XKR4: variants seen among roughly 807,000 people sequenced by gnomAD.
XKR4 encodes XK-related protein 4.
In XKR4, 12 loss-of-function variants were observed where a neutral mutation model predicts 53.9. The observed-to-expected ratio is 0.22, with a 90% confidence interval of 0.14 to 0.36. The LOEUF is 0.36. Ranked by LOEUF, XKR4 falls within the 10% of genes least tolerant of loss-of-function variation. The pLI is 1.00. For missense variants in XKR4, 799 were observed against 859.5 expected (o/e 0.93, Z 0.88); for synonymous variants, 354 against 362.4 (o/e 0.98, Z 0.26).
intron 2 of XKR4, among the ~76,000 whole-genome samples, chr8:55,367,993 C>T (rs985012238): frequency 6.6e-6 from 1 of 152,142 alleles, no homozygotes; most frequent in African/African-American, 2.4e-5. Context: ...CAGAGTCTCA[C>T]TTTGTCACCC....
At chr8:55,369,513 G>A (rs1804042096) in intron 2 of XKR4, among the ~76,000 whole-genome samples, 1 of 125,256 alleles carries the variant, frequency 8.0e-6, no homozygotes, top group African/African-American at 3.5e-5. Context: ...AGAAAGAAAA[G>A]GGAAGGAGAG....
chr8:55,449,884 C>T, intron 2 of XKR4: 2 of 913,716 alleles, frequency 2.2e-6, no homozygotes, highest in Non-Finnish European at 3.6e-6. Flanking sequence ...GCTGGTGCTG[C>T]CGCAGGCAGC....
intron 2 of XKR4, among the ~76,000 whole-genome samples, chr8:55,488,409 CA>C (rs1244304378): frequency 6.6e-6 from 1 of 151,970 alleles, no homozygotes; most frequent in East Asian, 1.9e-4. Context: ...CAACTTTATT[CA>C]TAATTGCCAA....
intron 2 of XKR4, among the ~76,000 whole-genome samples, chr8:55,486,521 C>G (rs1218700655): frequency 6.6e-6 from 1 of 152,202 alleles, no homozygotes; most frequent in African/African-American, 2.4e-5. Flanking sequence ...CCTCCAGCAT[C>G]AGAAATAACA....
chr8:55,399,369 C>T (rs1804566791), intron 2 of XKR4, among the ~76,000 whole-genome samples: 1 of 152,222 alleles, frequency 6.6e-6, no homozygotes, highest in South Asian at 2.1e-4. Flanking sequence ...GTCACTCTTT[C>T]TGGAATGCGC....
chr8:55,306,862 T>C (rs1819308181), intron 1 of XKR4, among the ~76,000 whole-genome samples: 1 of 151,876 alleles, frequency 6.6e-6, no homozygotes, highest in Admixed American at 6.6e-5. Flanking sequence ...GGTGGTAAGA[T>C]GGATTTCCAT....
intron 1 of XKR4, among the ~76,000 whole-genome samples, chr8:55,293,600 G>A (rs1424557711): frequency 6.6e-6 from 1 of 151,898 alleles, no homozygotes; most frequent in Admixed American, 6.6e-5. Context: ...TTTATGATTT[G>A]ATTTTAGTAA....
At chr8:55,170,710 C>A (rs1443336410) in intron 1 of XKR4, among the ~76,000 whole-genome samples, 2 of 152,210 alleles carry the variant, frequency 1.3e-5, no homozygotes, top group Non-Finnish European at 2.9e-5. Flanking sequence ...TTTAACCTGG[C>A]AGGCATAACG....
intron 1 of XKR4, among the ~76,000 whole-genome samples, chr8:55,245,954 T>G (rs1197640301): frequency 6.6e-6 from 1 of 152,066 alleles, no homozygotes; most frequent in East Asian, 1.9e-4. Flanking sequence ...TAAATAAAAT[T>G]AGCTGGGCGT....
In XKR4 at chr8:55,115,852, T is replaced by C. The variant is rs147832669; in HGVS notation, c.806+12558T>C. 1.4e-3 allele frequency among the ~76,000 whole-genome samples: 210 copies of C among 152,284 alleles called. 1 individual carries two copies. The highest frequency in any genetic ancestry group is 4.7e-3 in the African/African-American group (196 of 41,570). On this transcript the variant is annotated intron_variant, in intron 1 of 2. Coordinates refer to ENST00000327381, the MANE Select transcript of XKR4 (RefSeq NM_052898.2). ...ATCTCTAAGAAGATAATTAAGCACA[T>C]TGACTGCCTACCTCTCACAGTTTTA... is the stretch of plus-strand genomic sequence containing the variant.
intron 1 of XKR4, among the ~76,000 whole-genome samples, chr8:55,103,849 T>TTGTG (rs767699838): frequency 2.8e-4 from 17 of 61,064 alleles, no homozygotes; most frequent in East Asian, 2.6e-3. Flanking sequence ...GCAAATGACT[T>TTGTG]TGTATATATA....
At chr8:55,324,712 T>G (rs1803268498) in intron 1 of XKR4, among the ~76,000 whole-genome samples, 1 of 152,186 alleles carries the variant, frequency 6.6e-6, no homozygotes. Flanking sequence ...AAGGGATATG[T>G]GTATGTCTAA....
chr8:55,259,743 G>A (rs181445694), intron 1 of XKR4, among the ~76,000 whole-genome samples: 8 of 152,296 alleles, frequency 5.3e-5, no homozygotes, highest in East Asian at 3.9e-4. Context: ...GTGGAGAACC[G>A]AAAGGCTTAT....
chr8:55,241,185 C>T (rs1232140465), intron 1 of XKR4, among the ~76,000 whole-genome samples: 1 of 152,152 alleles, frequency 6.6e-6, no homozygotes, highest in African/African-American at 2.4e-5. Flanking sequence ...GTTATTGGAA[C>T]TTTCAACCCG....
At chr8:55,389,241 G>A (rs1804402375) in intron 2 of XKR4, among the ~76,000 whole-genome samples, 1 of 152,180 alleles carries the variant, frequency 6.6e-6, no homozygotes, top group Non-Finnish European at 1.5e-5. Context: ...CTCCAGAACT[G>A]TGAGACAATA....
rs142044521 is a variant in XKR4, at chr8:55,266,499, G to A, written c.807-91179G>A. Among the ~76,000 whole-genome samples the A allele has an allele frequency of 2.6e-5, 4 of 152,260 alleles. No homozygotes were observed. In the East Asian group the frequency reaches 7.7e-4, roughly 29 times the overall value. On this transcript the variant is annotated intron_variant, in intron 1 of 2. Transcript: ENST00000327381. ...TGACATTTGCTAATGACAGCACACA[G>A]AGAAGGAGAGGCATCCAGCCCTTTT...
intron 1 of XKR4, among the ~76,000 whole-genome samples, chr8:55,177,702 C>T (rs1740180587): frequency 6.6e-6 from 1 of 152,194 alleles, no homozygotes; most frequent in Admixed American, 6.5e-5. Context: ...TGTCATTGTT[C>T]TGAAGTTATA....
chr8:55,132,308 A>G lies in XKR4; in HGVS notation c.806+29014A>G, dbSNP rs527526174. On this transcript the variant is annotated intron_variant, in intron 1 of 2. Transcript: ENST00000327381. ...ACAGGGAATGCTAATTTTCCAATCCATGTGTATAGTTGTCCCCCCTTATCC... is the reference window on the plus strand; with the variant it reads ...ACAGGGAATGCTAATTTTCCAATCCGTGTGTATAGTTGTCCCCCCTTATCC... Among the ~76,000 whole-genome samples the G allele has an allele frequency of 3.8e-3, 574 of 152,260 alleles. 1 individual carries two copies. The highest frequency in any genetic ancestry group is 6.2e-3 in the Non-Finnish European group (422 of 68,014).
intron 2 of XKR4, among the ~76,000 whole-genome samples, chr8:55,446,718 G>T (rs1177913067): frequency 2.0e-5 from 3 of 152,204 alleles, no homozygotes; most frequent in African/African-American, 7.2e-5. Context: ...AAGTTTAGGG[G>T]ACAGTGGCTT....
Sources: gnomAD v4.1 joint callset for allele counts (sites outside exome capture counted in the v4.1 genomes callset) on GRCh38, gnomAD v4.1.1 for gene constraint, MANE v1.5 for transcripts, NCBI Gene and HGNC (gene_info 2026-07-23, HGNC 2026-07-21) for gene names.